Variants in ATP1A3 observed in about 807,000 individuals in gnomAD.
ATP1A3 encodes the protein sodium/potassium-transporting ATPase subunit alpha-3.
In ATP1A3, 12 loss-of-function variants were observed where a neutral mutation model predicts 108.8. The ratio of observed to expected loss-of-function variants is 0.11; its 90% CI spans 0.07 to 0.18. The LOEUF (loss-of-function observed/expected upper bound fraction) is 0.18. ATP1A3 is among the 10% of genes least tolerant of loss of function. The pLI is 1.00. For synonymous variants in ATP1A3, 539 were observed against 564.5 expected, an observed-to-expected ratio of 0.95 and a Z score of 0.64; for missense variants, 498 against 1,387.7, an observed-to-expected ratio of 0.36 and a Z score of 10.19.
In ATP1A3 at chr19:41,988,350, C is replaced by A; in HGVS notation, c.121G>T (p.Val41Phe). Residue 41 changes from valine (V) to phenylalanine (F), a missense_variant, in exon 3 of 23, where the codon GTC (valine) becomes TTC (phenylalanine). Around this residue, in one of 9 missense-constraint regions of ATP1A3, gnomAD observed 41 missense variants for 59.7 expected, o/e 0.69. Coordinates refer to ENST00000648268, the MANE Select transcript of ATP1A3 (RefSeq NM_152296.5). The surrounding 1 kb of genome is among the most constrained non-coding windows in gnomAD (Gnocchi z 5.3). ...MTEHKMSVEE[V>F]CRKYNTDCVQ... is the part of the protein sequence containing the mutation. ...CAGTCTGTGTTGTATTTCCGGCAGA[C>A]CTCTTCCACTGACATCTTGTGCTCT... The A allele has an allele frequency of 6.2e-7, 1 of 1,614,192 alleles. No individual in the cohort carries two copies. Among genetic ancestry groups the A allele is most frequent in the Non-Finnish European group, 8.5e-7 (1 of 1,180,034 alleles).
At chr19:41,991,590 G>A (rs1377484436) in intron 1 of ATP1A3, among the ~76,000 whole-genome samples, 3 of 152,210 alleles carry the variant, frequency 2.0e-5, no homozygotes, top group African/African-American at 7.2e-5. Flanking sequence ...GCCAGGAGAG[G>A]GGTGAGATGG....
At position 41,978,883 on chromosome 19, in the gene ATP1A3, A is replaced by T; in HGVS notation, c.1438-85T>A. 2 of 1,445,548 alleles carry T rather than the reference A, an allele frequency of 1.4e-6. No individual in the cohort carries two copies. Among genetic ancestry groups the T allele is most frequent in the Non-Finnish European group, 1.9e-6 (2 of 1,044,140 alleles). 89.5% of individuals were successfully genotyped at this position (1,445,548 alleles called of 1,614,324 possible). On this transcript the variant is annotated intron_variant, in intron 11 of 22. Transcript: ENST00000648268. The surrounding 1 kb of genome is among the most constrained non-coding windows in gnomAD (Gnocchi z 8.3). ...CCCATCCTGTCCCCTGTCCAGAGCC[A>T]CGGGTGCCAGGATAGGCCCACACCA... is the stretch of plus-strand genomic sequence containing the variant.
chr19:41,981,591 T>A lies in ATP1A3; in HGVS notation c.1348A>T (p.Ile450Phe). Residue 450 changes from isoleucine (I) to phenylalanine (F), a missense_variant, in exon 11 of 23, where the codon ATC becomes TTC. Physicochemically the swap from Ile to Phe is conservative, Grantham distance 21. Transcript: ENST00000648268. The surrounding 1 kb of genome is among the most constrained non-coding windows in gnomAD (Gnocchi z 5.0). The part of the protein sequence containing the change: ...DASESALLKC[I>F]ELSSGSVKLM... ...TTCACGGAGCCAGAGGACAGCTCGA[T>A]GCACTTGAGCAGGGCAGACTCAGAC... The A allele has an allele frequency of 1.2e-6, 2 of 1,614,216 alleles. No homozygotes were observed. The highest frequency in any genetic ancestry group is 1.7e-6 in the Non-Finnish European group (2 of 1,180,038).
At position 41,968,969 on chromosome 19, in the gene ATP1A3, A is replaced by G; in HGVS notation, c.2689-54T>C. The G allele has an allele frequency of 2.5e-6, 4 of 1,611,708 alleles. No individual in the cohort carries two copies. The highest frequency in any genetic ancestry group is 3.4e-6 in the Non-Finnish European group (4 of 1,178,938). On this transcript the variant is annotated intron_variant, in intron 19 of 22. Coordinates refer to ENST00000648268, the MANE Select transcript of ATP1A3 (RefSeq NM_152296.5). The surrounding 1 kb of genome is among the most constrained non-coding windows in gnomAD (Gnocchi z 5.0). The stretch of plus-strand genomic sequence containing the variant: ...CGTCAGTTAGTGGCACTGCAGCCCT[A>G]GCCGCCACCCCGACGTTCCGGTGCT...
In ATP1A3 at chr19:41,977,937, G is replaced by A. The variant is rs1555861935; in HGVS notation, c.1942C>T (p.Arg648Trp). ...CCCTGGCTGGGATGGGTGGCTCACC[G>A]GGGGTTAACCTGGCTGACGGGAATG... ...LNIPVSQVNP[R>W]DAKACVIHGT... The change falls in exon 14 of 23, where the codon CGG becomes TGG. Residue 648 changes from arginine (R) to tryptophan (W), a missense_variant and splice_region_variant. Transcript: ENST00000648268. 9 of 1,613,994 alleles carry A rather than the reference G, an allele frequency of 5.6e-6. No individual in the cohort carries two copies. The highest frequency in any genetic ancestry group is 2.2e-5 in the East Asian group (1 of 44,888).
intron 8 of ATP1A3, 71 bp from the exon 9 acceptor site, chr19:41,982,177 G>T: frequency 6.2e-7 from 1 of 1,611,634 alleles, no homozygotes; most frequent in Non-Finnish European, 8.5e-7. Context: ...GCGACACGAG[G>T]GCCACAGCCC....
Position 41,978,403 on chromosome 19 carries a change from G to A in ATP1A3, c.1631-77C>T, listed in dbSNP as rs782574793. On this transcript the variant is annotated intron_variant, in intron 12 of 22. Transcript: ENST00000648268. The surrounding 1 kb of genome is among the most constrained non-coding windows in gnomAD (Gnocchi z 8.3). Reference sequence around the variant, plus strand: ...CCCCATGCCCCTAGATGTCTGCATCGCCCGCATTCCATCTCCCCATCAGCA... The same window carrying A: ...CCCCATGCCCCTAGATGTCTGCATCACCCGCATTCCATCTCCCCATCAGCA... 128 of 1,520,622 alleles carry A rather than the reference G, an allele frequency of 8.4e-5. No individual in the cohort carries two copies. The highest frequency in any genetic ancestry group is 2.9e-4 in the African/African-American group (21 of 72,648). 94.2% of individuals were successfully genotyped at this position (1,520,622 alleles called of 1,614,324 possible).
chr19:41,972,787 G>A, intron 16 of ATP1A3, among the ~76,000 whole-genome samples: 1 of 144,408 alleles, frequency 6.9e-6, no homozygotes, highest in South Asian at 2.3e-4. Flanking sequence ...GAGGGGAGGG[G>A]GAAGGAAGGA....
In ATP1A3 at chr19:41,977,994, C is replaced by T. The variant is rs782284444; in HGVS notation, c.1885G>A (p.Glu629Lys). Residue 629 changes from glutamate (E) to lysine (K), a missense_variant, in exon 14 of 23, where the codon GAG becomes AAG. This residue lies in a region of ATP1A3 where 31 missense variants were observed against 132.5 expected (regional missense o/e 0.23). Coordinates refer to ENST00000648268, the MANE Select transcript of ATP1A3 (RefSeq NM_152296.5). Reference protein sequence around the residue: ...KGVGIISEGNETVEDIAARLN... With the variant: ...KGVGIISEGNKTVEDIAARLN... ...CGGGCGGCGATGTCCTCCACAGTCTCGTTGCCCTCAGAGATGATGCCCACA... is the reference window on the plus strand; with the variant it reads ...CGGGCGGCGATGTCCTCCACAGTCTTGTTGCCCTCAGAGATGATGCCCACA... The T allele has an allele frequency of 6.2e-7, 1 of 1,614,246 alleles. No homozygotes were observed. Among genetic ancestry groups the T allele is most frequent in the Non-Finnish European group, 8.5e-7 (1 of 1,180,040 alleles).
At chr19:41,980,925 T>C (rs370104931) in intron 11 of ATP1A3, among the ~76,000 whole-genome samples, 130 of 149,078 alleles carry the variant, frequency 8.7e-4, no homozygotes, top group African/African-American at 3.1e-3. Flanking sequence ...AAAAAAAAAG[T>C]TTGCTGAATA....
In ATP1A3 at chr19:41,981,689, C is replaced by G. The variant is rs1555863447; in HGVS notation, c.1302+33G>C. On this transcript the variant is annotated intron_variant, in intron 10 of 22. Transcript: ENST00000648268. This position sits in a 1 kb window ranked among gnomAD's most constrained non-coding sequence, Gnocchi z 5.0. ...GGGACAGCTGAGGGGAGGACACAGG[C>G]AGGGCCGAGGTGAGGCCAGTAGCTG... The G allele has an allele frequency of 6.2e-7, 1 of 1,614,056 alleles. No individual in the cohort carries two copies. The highest frequency in any genetic ancestry group is 1.3e-5 in the African/African-American group (1 of 74,948).
At chr19:41,979,820 T>C (rs2145968220) in intron 11 of ATP1A3, among the ~76,000 whole-genome samples, 1 of 152,346 alleles carries the variant, frequency 6.6e-6, no homozygotes, top group Non-Finnish European at 1.5e-5. Context: ...TATTAAATTA[T>C]ACACTTAGAG....
chr19:41,994,088 C>A lies in ATP1A3; in HGVS notation c.-12G>T. ...GCACCTACCCCCATCTTGGCGGCTCCGCGGCGAGAGAGCCAGGCGGGCGGG... is the reference window on the plus strand; with the variant it reads ...GCACCTACCCCCATCTTGGCGGCTCAGCGGCGAGAGAGCCAGGCGGGCGGG... On this transcript the variant is annotated 5_prime_UTR_variant, in exon 1 of 23. Coordinates refer to ENST00000648268, the MANE Select transcript of ATP1A3 (RefSeq NM_152296.5). 6.3e-7 allele frequency: 1 copy of A among 1,594,680 alleles called. No individual in the cohort carries two copies. Among genetic ancestry groups the A allele is most frequent in the South Asian group, 1.1e-5 (1 of 88,580 alleles).
In ATP1A3 at chr19:41,968,989, G is replaced by A. The variant is rs575619325; in HGVS notation, c.2689-74C>T. Reference sequence around the variant, plus strand: ...GCCCTAGCCGCCACCCCGACGTTCCGGTGCTCTTTGCCCCGCCCCATCCTG... The same window carrying A: ...GCCCTAGCCGCCACCCCGACGTTCCAGTGCTCTTTGCCCCGCCCCATCCTG... On this transcript the variant is annotated intron_variant, in intron 19 of 22. Coordinates refer to ENST00000648268, the MANE Select transcript of ATP1A3 (RefSeq NM_152296.5). This position sits in a 1 kb window ranked among gnomAD's most constrained non-coding sequence, Gnocchi z 5.0. The A allele has an allele frequency of 6.6e-5, 106 of 1,605,822 alleles. No individual in the cohort carries two copies. Among genetic ancestry groups the A allele is most frequent in the Non-Finnish European group, 7.7e-5 (91 of 1,176,584 alleles).
chr19:41,984,607 G>A lies in ATP1A3; in HGVS notation c.993+311C>T, dbSNP rs572418965. The stretch of plus-strand genomic sequence containing the variant: ...TCTTAATTTTGCAATAGGATTGTTG[G>A]CTCTTTACGGCTTGCCAGTGTTTCT... On this transcript the variant is annotated intron_variant, in intron 8 of 22. Transcript: ENST00000648268. 4.7e-3 allele frequency: 1,659 copies of A among 354,212 alleles called. 12 individuals carry two copies. Among genetic ancestry groups the A allele is most frequent in the Non-Finnish European group, 6.7e-3 (1,279 of 191,824 alleles). The allele number at this position is 354,212 out of a possible 1,614,324, so 21.9% of individuals were successfully genotyped here. A position where few individuals can be genotyped will look rare whatever the true frequency, so the allele number is the denominator to read the frequency against.
At chr19:41,993,510 C>T in intron 1 of ATP1A3, 1 of 622,060 alleles carries the variant, frequency 1.6e-6, no homozygotes, top group African/African-American at 2.2e-5. Context: ...TGCACACACA[C>T]ACACACACAC....
At position 41,966,739 on chromosome 19, in the gene ATP1A3, G is replaced by A. The variant is rs782677695; in HGVS notation, c.*198C>T. The A allele has an allele frequency of 1.4e-5, 22 of 1,534,570 alleles. No homozygotes were observed. In the Admixed American group the frequency reaches 1.6e-4, roughly 11 times the overall value. On this transcript the variant is annotated 3_prime_UTR_variant, in exon 23 of 23. Coordinates refer to ENST00000648268, the MANE Select transcript of ATP1A3 (RefSeq NM_152296.5). The stretch of plus-strand genomic sequence containing the variant: ...GGGAGAGAAACTGACACAGAAAAGA[G>A]AGAGGAGAGAGGTTTGGGGCAGGGG...
chr19:41,967,232 T>C lies in ATP1A3; in HGVS notation c.3013+17A>G, dbSNP rs2075052746. 6.2e-7 allele frequency: 1 copy of C among 1,613,824 alleles called. No homozygotes were observed. The highest frequency in any genetic ancestry group is 8.5e-7 in the Non-Finnish European group (1 of 1,179,944). ...CTGCCCCCCGCCCCCCTCGGCTGCC[T>C]TGCCGAGCTCCCTCACCCCCTGGGT... On this transcript the variant is annotated intron_variant, in intron 22 of 22. Transcript: ENST00000648268. The surrounding 1 kb of genome is among the most constrained non-coding windows in gnomAD (Gnocchi z 4.2).
In ATP1A3 at chr19:41,985,239, G is replaced by A; in HGVS notation, c.725-53C>T. The stretch of plus-strand genomic sequence containing the variant: ...TGGGGTGGCTCAGGGAGGTTCTGGA[G>A]GCCTGACCCCCTGGGACACATCCCT... On this transcript the variant is annotated intron_variant, in intron 7 of 22. Coordinates refer to ENST00000648268, the MANE Select transcript of ATP1A3 (RefSeq NM_152296.5). This position sits in a 1 kb window ranked among gnomAD's most constrained non-coding sequence, Gnocchi z 8.2. 1 of 1,614,076 alleles carries A rather than the reference G, an allele frequency of 6.2e-7. No individual in the cohort carries two copies. The highest frequency in any genetic ancestry group is 8.5e-7 in the Non-Finnish European group (1 of 1,179,978).
Sources: gnomAD v4.1 joint callset for allele counts (sites outside exome capture counted in the v4.1 genomes callset) on GRCh38, gnomAD v4.1.1 for gene constraint, gnomAD v4.1.1 regional missense constraint, Gnocchi (gnomAD v3.1) non-coding constraint, MANE v1.5 for transcripts, NCBI Gene and HGNC (gene_info 2026-07-23, HGNC 2026-07-21) for gene names.